Variants in PKHD1 observed in about 807,000 individuals in gnomAD.
The protein encoded by PKHD1 is PKHD1 ciliary IPT domain containing fibrocystin/polyductin.
Under a neutral mutation model 412.0 loss-of-function variants are expected in PKHD1, and 291 were observed. That is an observed-to-expected ratio of 0.71 (90% confidence interval 0.64 to 0.78). The LOEUF is 0.78. PKHD1 is among the 30% of genes least tolerant of loss of function. PKHD1 has a pLI of 0.00. For missense variants in PKHD1, 4,825 were observed against 4,950.7 expected (o/e 0.97, Z 0.76); for synonymous variants, 1,777 against 1,821.5 (o/e 0.98, Z 0.62).
intron 3 of PKHD1, among the ~76,000 whole-genome samples, chr6:52,082,839 T>G (rs538990672): frequency 6.6e-6 from 1 of 152,302 alleles, no homozygotes; most frequent in African/African-American, 2.4e-5. Context: ...AGCTCCCAAG[T>G]AGAGGACTGT....
In PKHD1 at chr6:51,847,867, A is replaced by G. The variant is rs1174738425; in HGVS notation, c.8015T>C (p.Val2672Ala). The G allele has an allele frequency of 1.2e-6, 2 of 1,613,850 alleles. No individual in the cohort carries two copies. Among genetic ancestry groups the G allele is most frequent in the Admixed American group, 3.3e-5 (2 of 60,010 alleles). ...PDILLRCGSR[V>A]GLSFPFLPSP... ...TGGAAGAAATGGAAAAGACAGACCC[A>G]CTCGACTCCCACATCTTAGGAGGAT... is the stretch of plus-strand genomic sequence containing the variant. The change falls in exon 50 of 67, where the codon GTG becomes GCG. Residue 2672 changes from valine (V) to alanine (A), a missense_variant. Physicochemically the swap from Val to Ala is moderately conservative, Grantham distance 64. Transcript: ENST00000371117.
chr6:51,750,330 C>T (rs1785891549), intron 57 of PKHD1, among the ~76,000 whole-genome samples: 1 of 152,170 alleles, frequency 6.6e-6, no homozygotes, highest in Non-Finnish European at 1.5e-5. Flanking sequence ...AAAGAGCTGG[C>T]AAACCTGCTT....
At chr6:51,622,950 T>A (rs1766808583) in intron 66 of PKHD1, 1 of 152,200 alleles carries the variant, frequency 6.6e-6, no homozygotes, top group Non-Finnish European at 1.5e-5. Context: ...ATATATGATA[T>A]CTATATCTAC....
intron 35 of PKHD1, among the ~76,000 whole-genome samples, chr6:52,004,516 T>C (rs1181005150): frequency 1.3e-5 from 2 of 152,356 alleles, no homozygotes; most frequent in Non-Finnish European, 1.5e-5. Flanking sequence ...TTGCTTTTTT[T>C]CTCAGGTTCT....
At chr6:51,951,333 CA>C (rs540920907) in intron 36 of PKHD1, among the ~76,000 whole-genome samples, 26 of 147,540 alleles carry the variant, frequency 1.8e-4, no homozygotes, top group South Asian at 4.3e-4. Flanking sequence ...ATAGAAAAGA[CA>C]AAAAAAAAAT....
intron 52 of PKHD1, among the ~76,000 whole-genome samples, chr6:51,800,226 A>G (rs954478481): frequency 1.8e-4 from 28 of 152,120 alleles, no homozygotes; most frequent in African/African-American, 6.8e-4. Context: ...CACCATCTTT[A>G]TCCTAGTGTG....
chr6:52,045,253 A>G (rs1805605720), intron 24 of PKHD1, among the ~76,000 whole-genome samples, 165 bp from the exon 25 acceptor site: 1 of 152,238 alleles, frequency 6.6e-6, no homozygotes, highest in African/African-American at 2.4e-5. Context: ...ACAGTAAATA[A>G]TGGCTGAGGA....
intron 4 of PKHD1, 114 bp from the exon 5 acceptor site, chr6:52,080,122 G>C: frequency 2.8e-6 from 2 of 725,722 alleles, no homozygotes. Context: ...AGCTAACCAA[G>C]GATTCCCAGC....
At chr6:51,729,751 AAATAAT>A (rs1454930481) in intron 60 of PKHD1, among the ~76,000 whole-genome samples, 1 of 152,202 alleles carries the variant, frequency 6.6e-6, no homozygotes, top group Non-Finnish European at 1.5e-5. Flanking sequence ...ATGATTGGGA[AAATAAT>A]AATAATTATA....
At position 52,058,462 on chromosome 6, in the gene PKHD1, T is replaced by C. The variant is rs752052343; in HGVS notation, c.1373A>G (p.His458Arg). ...GGAMYYLEAE[H>R]HGIAPSRGMR... ...CCCCCTGCTTGGGGCTATCCCATGA[T>C]GCTCTGCTTCCAGGTAGTACATGGC... Residue 458 changes from histidine (H) to arginine (R), a missense_variant, in exon 16 of 67, where the codon CAT becomes CGT. His to Arg is a conservative substitution (Grantham distance 29, BLOSUM62 0). Transcript: ENST00000371117. 6.2e-7 allele frequency: 1 copy of C among 1,614,196 alleles called. No homozygotes were observed. Among genetic ancestry groups the C allele is most frequent in the Admixed American group, 1.7e-5 (1 of 60,030 alleles).
chr6:51,903,106 T>C (rs938695854), intron 43 of PKHD1, among the ~76,000 whole-genome samples: 1 of 152,182 alleles, frequency 6.6e-6, no homozygotes, highest in Non-Finnish European at 1.5e-5. Flanking sequence ...CAGGAAACGA[T>C]CAATATCTAC....
chr6:51,925,793 CCTCTCTCTCTTTTTATCT>C (rs1339182518), intron 37 of PKHD1, among the ~76,000 whole-genome samples: 49 of 152,050 alleles, frequency 3.2e-4, no homozygotes, highest in African/African-American at 7.7e-4. Flanking sequence ...TCTCTCCCTT[CCTCTCTCTCTTTTTATCT>C]CTCTCTCTCT....
intron 35 of PKHD1, among the ~76,000 whole-genome samples, chr6:51,968,822 C>T (rs1038958065): frequency 6.6e-6 from 1 of 152,160 alleles, no homozygotes; most frequent in Non-Finnish European, 1.5e-5. Context: ...TTCACAAAGG[C>T]TGAGTCTAGT....
At position 51,867,938 on chromosome 6, in the gene PKHD1, T is replaced by C. The variant is rs576001667; in HGVS notation, c.7658A>G (p.Asn2553Ser). ...ATGGACAACCCGACCAAAGCTTGAA[T>C]TGACCAAACAAGAAGCTGAAAGGGT... ...METLSASCLV[N>S]SSFGRVVHGS... Residue 2553 changes from asparagine to serine, a missense_variant, in exon 48 of 67, where the codon AAT becomes AGT. Coordinates refer to ENST00000371117, the MANE Select transcript of PKHD1 (RefSeq NM_138694.4). 1.5e-5 allele frequency: 25 copies of C among 1,613,412 alleles called. No individual in the cohort carries two copies. The East Asian group carries it at 5.3e-4, about 35-fold the overall frequency.
chr6:52,073,049 C>G (rs900103424), intron 7 of PKHD1, among the ~76,000 whole-genome samples: 1 of 152,202 alleles, frequency 6.6e-6, no homozygotes, highest in Non-Finnish European at 1.5e-5. Context: ...ATGTTTTCCT[C>G]TGACCCCACT....
chr6:51,851,465 AG>A (rs1772230376), intron 49 of PKHD1, among the ~76,000 whole-genome samples: 1 of 152,208 alleles, frequency 6.6e-6, no homozygotes, highest in Non-Finnish European at 1.5e-5. Context: ...TAGTTTCAGA[AG>A]GAATGGTACC....
chr6:51,750,557 C>T (rs1336111220), intron 57 of PKHD1, among the ~76,000 whole-genome samples: 4 of 152,020 alleles, frequency 2.6e-5, no homozygotes, highest in Admixed American at 2.6e-4. Context: ...CCCATTCCCT[C>T]CCCGGGTGCG....
chr6:51,627,087 G>T lies in PKHD1; in HGVS notation c.11695C>A (p.Gln3899Lys). 3 of 1,610,546 alleles carry T rather than the reference G, an allele frequency of 1.9e-6. No homozygotes were observed. Among genetic ancestry groups the T allele is most frequent in the Non-Finnish European group, 2.5e-6 (3 of 1,176,952 alleles). ...KTKPEEIPES[Q>K]TNNQNIHIHI... The stretch of plus-strand genomic sequence containing the variant: ...ATATGAATATTTTGATTATTAGTCT[G>T]GGATTCAGGAATCTCTTCAGGTTTT... Residue 3899 changes from glutamine (Q) to lysine (K), a missense_variant, in exon 66 of 67, where the codon CAG (glutamine) becomes AAG (lysine). Coordinates refer to ENST00000371117, the MANE Select transcript of PKHD1 (RefSeq NM_138694.4).
intron 35 of PKHD1, among the ~76,000 whole-genome samples, chr6:51,982,182 A>C (rs1315189162): frequency 3.7e-5 from 1 of 27,152 alleles, no homozygotes; most frequent in African/African-American, 1.3e-4. Context: ...TCCGGGAGGG[A>C]GGTGGGGGGG....
Sources: allele counts gnomAD v4.1 joint callset (sites outside exome capture counted in the v4.1 genomes callset), GRCh38; gene constraint gnomAD v4.1.1; transcripts MANE v1.5; gene names NCBI Gene and HGNC (gene_info 2026-07-23, HGNC 2026-07-21).